The following ELAPOR1 variants were observed in gnomAD, a reference collection of about 807,000 sequenced individuals.
ELAPOR1 encodes endosome-lysosome associated apoptosis and autophagy regulator 1.
Under a neutral mutation model 119.7 loss-of-function variants are expected in ELAPOR1, and 77 were observed. That is an observed-to-expected ratio of 0.64 (90% CI 0.54 to 0.78). The LOEUF (loss-of-function observed/expected upper bound fraction) is 0.78, where lower values mean the gene tolerates loss of function less well. Ranked by LOEUF, ELAPOR1 falls within the 30% of genes least tolerant of loss-of-function variation. ELAPOR1 has a pLI of 0.00. For missense variants in ELAPOR1, 1,115 were observed against 1,270.4 expected, an observed-to-expected ratio of 0.88 and a Z score of 1.86; for synonymous variants, 481 against 487.2, an observed-to-expected ratio of 0.99 and a Z score of 0.17.
chr1:109,165,473 G>A lies in ELAPOR1; in HGVS notation c.467+782G>A, dbSNP rs141541117. On this transcript the variant is annotated intron_variant, in intron 3 of 21. Coordinates refer to ENST00000369939, the MANE Select transcript of ELAPOR1 (RefSeq NM_020775.5). ...GGTGGTGCATACCTGTGATCTCAGC[G>A]ACTCGGGAGGCTGAGGCAGGAGAAT... 4.5e-3 allele frequency among the ~76,000 whole-genome samples: 685 copies of A among 151,716 alleles called. 8 individuals are homozygous for A. The highest frequency in any genetic ancestry group is 0.015 in the African/African-American group (626 of 41,374).
Position 109,183,636 on chromosome 1 carries a change from C to CCTTT in ELAPOR1, c.953-1407_953-1406insTTCT, listed in dbSNP as rs150843023. Among the ~76,000 whole-genome samples the CCTTT allele has an allele frequency of 9.9e-4, 132 of 133,956 alleles. 10 individuals are homozygous for CCTTT. Among genetic ancestry groups the CCTTT allele is most frequent in the South Asian group, 1.9e-3 (8 of 4,146 alleles). 87.9% of individuals were successfully genotyped at this position (133,956 alleles called of 152,430 possible). On this transcript the variant is annotated intron_variant, in intron 7 of 21. Coordinates refer to ENST00000369939, the MANE Select transcript of ELAPOR1 (RefSeq NM_020775.5). ...TCCTTCCCTCCTTCCTTCCTTCCTTCCTAACAGAGTCTCTCTCCATTGCCC... is the reference window on the plus strand; with the variant it reads ...TCCTTCCCTCCTTCCTTCCTTCCTTCCTTTCTAACAGAGTCTCTCTCCATTGCCC...
rs747235428 is a variant in ELAPOR1, at chr1:109,172,026, C to T, written c.615+13C>T. Reference sequence around the variant, plus strand: ...CTTTGAGTTTTTCGTAAGCCCCTGGCCAAGGTGGAGGGTGGGAGCTAAAAA... The same window carrying T: ...CTTTGAGTTTTTCGTAAGCCCCTGGTCAAGGTGGAGGGTGGGAGCTAAAAA... On this transcript the variant is annotated intron_variant, in intron 4 of 21. Coordinates refer to ENST00000369939, the MANE Select transcript of ELAPOR1 (RefSeq NM_020775.5). 3 of 1,614,042 alleles carry T rather than the reference C, an allele frequency of 1.9e-6. No homozygotes were observed. The highest frequency in any genetic ancestry group is 2.5e-6 in the Non-Finnish European group (3 of 1,180,004).
At chr1:109,181,727 C>G (rs924257053) in intron 7 of ELAPOR1, among the ~76,000 whole-genome samples, 3 of 152,160 alleles carry the variant, frequency 2.0e-5, no homozygotes, top group African/African-American at 7.2e-5. Flanking sequence ...GTCCATGGGT[C>G]CCTCTGTGCT....
intron 3 of ELAPOR1, among the ~76,000 whole-genome samples, chr1:109,166,752 G>A (rs980048720): frequency 6.6e-6 from 1 of 152,132 alleles, no homozygotes; most frequent in African/African-American, 2.4e-5. Flanking sequence ...CCTAGGGAGC[G>A]AAAGTGGGGG....
At chr1:109,185,340 C>G (rs546679976) in intron 8 of ELAPOR1, among the ~76,000 whole-genome samples, 1 of 152,078 alleles carries the variant, frequency 6.6e-6, no homozygotes, top group Admixed American at 6.6e-5. Flanking sequence ...GTTTTTGCAG[C>G]GTTTGTTTCA....
chr1:109,144,061 A>ATATTTTTTTTTTTTTT lies in ELAPOR1; in HGVS notation c.154-17832_154-17831insATTTTTTTTTTTTTTT. ...TATATATATATATATATATTTATAT[A>ATATTTTTTTTTTTTTT]TTTTTTTTTTTTTTTGAGATGGAGT... On this transcript the variant is annotated intron_variant, in intron 1 of 21. Coordinates refer to ENST00000369939, the MANE Select transcript of ELAPOR1 (RefSeq NM_020775.5). Among the ~76,000 whole-genome samples, 96 of 88,968 alleles carry ATATTTTTTTTTTTTTT rather than the reference A, an allele frequency of 1.1e-3. 4 individuals are homozygous for ATATTTTTTTTTTTTTT. The highest frequency in any genetic ancestry group is 4.2e-3 in the African/African-American group (87 of 20,724). 58.4% of individuals were successfully genotyped at this position (88,968 alleles called of 152,430 possible).
chr1:109,144,061 A>ATATTTTTTTT, intron 1 of ELAPOR1, among the ~76,000 whole-genome samples: 9 of 88,990 alleles, frequency 1.0e-4, no homozygotes, highest in South Asian at 3.5e-4. Context: ...ATATTTATAT[A>ATATTTTTTTT]TTTTTTTTTT....
rs370071079 is a variant in ELAPOR1, at chr1:109,184,941, G to T, written c.953-104G>T. 3.7e-6 allele frequency: 3 copies of T among 805,104 alleles called. No homozygotes were observed. In the South Asian group the frequency reaches 4.3e-5, roughly 12 times the overall value. 49.9% of individuals were successfully genotyped at this position (805,104 alleles called of 1,614,324 possible). Reference sequence around the variant, plus strand: ...ATTTTCTACTTCCGGCAATATTTGTGTGGCAATGCACCCAGGGACTTGGGA... The same window carrying T: ...ATTTTCTACTTCCGGCAATATTTGTTTGGCAATGCACCCAGGGACTTGGGA... On this transcript the variant is annotated intron_variant, in intron 7 of 21. Transcript: ENST00000369939.
intron 3 of ELAPOR1, among the ~76,000 whole-genome samples, chr1:109,165,748 C>CT (rs757259868): frequency 0.038 from 5,161 of 135,344 alleles, 368 homozygotes; most frequent in African/African-American, 0.13. Flanking sequence ...TCTTCTTCTT[C>CT]TTTTTTTTTT....
rs575602072 is a variant in ELAPOR1, at chr1:109,161,995, C to T, written c.255C>T (p.Pro85=). Residue 85 remains proline (P), a synonymous_variant, in exon 2 of 22, where the codon CCC becomes CCT. Transcript: ENST00000369939. ...TPGLCTSLPD[P]IKGTECSFSC... is the part of the protein sequence containing the mutation. ...GCCTGTGCACCAGCCTGCCTGACCC[C>T]ATCAAGGGCACCGAGTGCTGTAAGC... 1.3e-5 allele frequency: 21 copies of T among 1,613,262 alleles called. No homozygotes were observed. Among genetic ancestry groups the T allele is most frequent in the African/African-American group, 2.7e-5 (2 of 75,060 alleles).
At chr1:109,175,366 C>T (rs1316667909) in intron 7 of ELAPOR1, among the ~76,000 whole-genome samples, 1 of 150,056 alleles carries the variant, frequency 6.7e-6, no homozygotes, top group Non-Finnish European at 1.5e-5. Context: ...CCATGCCCAG[C>T]TAATTTTGTA....
intron 1 of ELAPOR1, among the ~76,000 whole-genome samples, chr1:109,151,095 A>G (rs1010629905): frequency 6.6e-6 from 1 of 152,198 alleles, no homozygotes; most frequent in East Asian, 1.9e-4. Flanking sequence ...TGTTTATGTG[A>G]TTTACTTTCA....
chr1:109,123,334 A>G (rs533265291), intron 1 of ELAPOR1, among the ~76,000 whole-genome samples: 1 of 152,394 alleles, frequency 6.6e-6, no homozygotes, highest in South Asian at 2.1e-4. Context: ...AGGAAAGAAA[A>G]GTAAAGGATA....
intron 5 of ELAPOR1, 61 bp from the exon 6 acceptor site, chr1:109,173,413 A>G: frequency 7.2e-7 from 1 of 1,386,532 alleles, no homozygotes; most frequent in Non-Finnish European, 1.0e-6. Context: ...AAGAGGCTAT[A>G]CCAACAGATT....
intron 1 of ELAPOR1, among the ~76,000 whole-genome samples, chr1:109,117,615 G>A (rs900260198): frequency 6.6e-6 from 1 of 152,094 alleles, no homozygotes; most frequent in African/African-American, 2.4e-5. Flanking sequence ...AAATGGGGAT[G>A]GTAATACCTA....
intron 1 of ELAPOR1, among the ~76,000 whole-genome samples, chr1:109,154,142 A>G (rs979782288): frequency 2.0e-5 from 3 of 151,416 alleles, no homozygotes; most frequent in African/African-American, 4.9e-5. Flanking sequence ...TTAGCTGGGC[A>G]TGGTGGTGCA....
rs181127018 is a variant in ELAPOR1 at position 109,119,145 on chromosome 1, C to T, written c.153+4809C>T. 5.9e-4 allele frequency among the ~76,000 whole-genome samples: 90 copies of T among 152,068 alleles called. No homozygotes were observed. In the East Asian group the frequency reaches 0.015, roughly 26 times the overall value. On this transcript the variant is annotated intron_variant, in intron 1 of 21. Transcript: ENST00000369939. ...CTCCTGACCTCAGGCGATCTGCCCG[C>T]CTCGGCCTCCCAAAGTGCTGGCATT... is the stretch of plus-strand genomic sequence containing the variant.
At chr1:109,159,195 A>G (rs763445440) in intron 1 of ELAPOR1, among the ~76,000 whole-genome samples, 13 of 152,158 alleles carry the variant, frequency 8.5e-5, no homozygotes, top group Admixed American at 2.6e-4. Flanking sequence ...GCCCCGCCCT[A>G]AGCTTATGTC....
At chr1:109,136,406 G>A (rs1404936484) in intron 1 of ELAPOR1, among the ~76,000 whole-genome samples, 1 of 152,156 alleles carries the variant, frequency 6.6e-6, no homozygotes, top group Non-Finnish European at 1.5e-5. Flanking sequence ...CAGAAGCAGG[G>A]GCCAGATTCT....
Sources: allele counts gnomAD v4.1 joint callset (sites outside exome capture counted in the v4.1 genomes callset), GRCh38; gene constraint gnomAD v4.1.1; transcripts MANE v1.5; gene names NCBI Gene and HGNC (gene_info 2026-07-23, HGNC 2026-07-21).